Variants in PIERCE1 observed in about 807,000 individuals in gnomAD.
PIERCE1 encodes the protein piercer of microtubule wall 1.
At chr9:135,495,336 C>A in the PIERCE1 span, 1 of 1,200,258 alleles carries the variant, frequency 8.3e-7, no homozygotes, top group Non-Finnish European at 1.2e-6. Flanking sequence ...CAGTCTGTGC[C>A]GTCACAATCG....
chr9:135,498,760 C>T, the PIERCE1 span: 4 of 1,161,928 alleles, frequency 3.4e-6, no homozygotes, highest in East Asian at 4.8e-5. This position sits in a 1 kb window ranked among gnomAD's most constrained non-coding sequence, Gnocchi z 4.1. Context: ...TGGAAATGCC[C>T]CCATGGAAAG....
At chr9:135,495,249 G>T in the PIERCE1 span, 1 of 599,882 alleles carries the variant, frequency 1.7e-6, no homozygotes. Context: ...TATTAGATGT[G>T]AAATGGCAGG....
At chr9:135,496,406 T>C in the PIERCE1 span, among the ~76,000 whole-genome samples, 2 of 152,198 alleles carry the variant, frequency 1.3e-5, no homozygotes, top group Admixed American at 1.3e-4. Context: ...GACTGTGACA[T>C]TCCTGAAGCG....
the PIERCE1 span, among the ~76,000 whole-genome samples, chr9:135,496,823 T>A: frequency 8.3e-6 from 1 of 120,352 alleles, no homozygotes; most frequent in African/African-American, 3.4e-5. Context: ...TGAGATGGAG[T>A]TTTTGCTCTA....
chr9:135,499,759 G>A, the PIERCE1 span: 1 of 1,607,362 alleles, frequency 6.2e-7, no homozygotes, highest in Non-Finnish European at 8.5e-7. Flanking sequence ...GCAGGTCCGC[G>A]CTCACGCGGT....
chr9:135,495,733 GGATGGCCTGGCTCACC>G, the PIERCE1 span: 1 of 960,598 alleles, frequency 1.0e-6, no homozygotes, highest in Non-Finnish European at 1.5e-6. Flanking sequence ...AGAGTGGGTA[GGATGGCCTGGCTCACC>G]CCAGACCATC....
chr9:135,497,585 A>C, the PIERCE1 span, among the ~76,000 whole-genome samples: 18 of 151,938 alleles, frequency 1.2e-4, no homozygotes, highest in African/African-American at 4.1e-4. Context: ...ACACCCAGCT[A>C]ATTATTTTAT....
chr9:135,497,461 C>G, the PIERCE1 span, among the ~76,000 whole-genome samples: 1 of 151,834 alleles, frequency 6.6e-6, no homozygotes, highest in East Asian at 1.9e-4. Context: ...TGGCTCTCAC[C>G]CAGGGTGGAA....
chr9:135,495,937 C>T, the PIERCE1 span, among the ~76,000 whole-genome samples: 1 of 152,206 alleles, frequency 6.6e-6, no homozygotes, highest in Non-Finnish European at 1.5e-5. Flanking sequence ...GCTCACTGTG[C>T]TACTCTGGGA....
At chr9:135,498,712 A>C in the PIERCE1 span, 1 of 1,535,616 alleles carries the variant, frequency 6.5e-7, no homozygotes. The surrounding 1 kb of genome is among the most constrained non-coding windows in gnomAD (Gnocchi z 4.1). Context: ...CTAATTCTGC[A>C]CAAGCCACAG....
the PIERCE1 span, chr9:135,498,985 C>G: frequency 8.7e-6 from 3 of 343,102 alleles, no homozygotes; most frequent in Non-Finnish European, 1.6e-5. The surrounding 1 kb of genome is among the most constrained non-coding windows in gnomAD (Gnocchi z 4.1). Context: ...TTCTGGGTAA[C>G]CTAGCTTGTC....
the PIERCE1 span, among the ~76,000 whole-genome samples, chr9:135,499,181 T>C: frequency 1.3e-5 from 2 of 152,208 alleles, no homozygotes; most frequent in African/African-American, 4.8e-5. Context: ...GGCCAAGTTG[T>C]TCCTTCTACA....
the PIERCE1 span, among the ~76,000 whole-genome samples, chr9:135,496,993 C>T: frequency 0.013 from 2,003 of 152,254 alleles, 44 homozygotes; most frequent in African/African-American, 0.045. Flanking sequence ...GACGGGGTTT[C>T]GCCATGTTGG....
the PIERCE1 span, chr9:135,499,570 C>T: frequency 8.4e-7 from 1 of 1,185,732 alleles, no homozygotes; most frequent in Non-Finnish European, 1.2e-6. Context: ...CACTGGCGGG[C>T]GATGACAGCG....
chr9:135,496,794 A>ATTTTTTT, the PIERCE1 span, among the ~76,000 whole-genome samples: 3 of 122,748 alleles, frequency 2.4e-5, no homozygotes, highest in African/African-American at 3.2e-5. Flanking sequence ...CCTTCAGTGC[A>ATTTTTTT]TTTTTTTTTT....
At chr9:135,495,992 T>C in the PIERCE1 span, among the ~76,000 whole-genome samples, 2 of 152,214 alleles carry the variant, frequency 1.3e-5, no homozygotes, top group African/African-American at 2.4e-5. Context: ...TTCTATGGAA[T>C]AGAAATGATA....
chr9:135,498,617 C>T, the PIERCE1 span: 11 of 1,613,902 alleles, frequency 6.8e-6, no homozygotes, highest in East Asian at 6.7e-5. The surrounding 1 kb of genome is among the most constrained non-coding windows in gnomAD (Gnocchi z 4.1). Context: ...GCTCTGCTCC[C>T]GTAAGCCTGG....
At chr9:135,495,196 G>A in the PIERCE1 span, 12 of 479,856 alleles carry the variant, frequency 2.5e-5, no homozygotes, top group East Asian at 2.5e-4. Flanking sequence ...ATGTGACAAC[G>A]TTTTTAATGC....
chr9:135,497,390 G>GT, the PIERCE1 span, among the ~76,000 whole-genome samples: 43 of 127,420 alleles, frequency 3.4e-4, 1 homozygote, highest in African/African-American at 8.5e-4. Context: ...AGTGTGCTGG[G>GT]TTTTTTTTTC....
Sources: allele counts gnomAD v4.1 joint callset (sites outside exome capture counted in the v4.1 genomes callset), GRCh38; gene constraint gnomAD v4.1.1; non-coding constraint Gnocchi (gnomAD v3.1); transcripts MANE v1.5; gene names NCBI Gene and HGNC (gene_info 2026-07-23, HGNC 2026-07-21).